Variants in RGS6 observed in about 807,000 individuals in gnomAD.
RGS6 encodes the protein regulator of G-protein signaling 6.
RGS6 carries 30 observed loss-of-function variants against 78.5 expected under a neutral mutation model. That is an observed-to-expected ratio of 0.38 (90% confidence interval 0.29 to 0.52). The LOEUF is 0.52. Among genes scored for constraint, RGS6 ranks in the 20% least tolerant of loss-of-function variants. The pLI is 0.85. For missense variants in RGS6, 495 were observed against 609.7 expected, an observed-to-expected ratio of 0.81 and a Z score of 1.98; for synonymous variants, 206 against 206.0, an observed-to-expected ratio of 1.00 and a Z score of 0.00.
chr14:72,404,174 G>T (rs1476412948), intron 3 of RGS6, among the ~76,000 whole-genome samples: 1 of 152,200 alleles, frequency 6.6e-6, no homozygotes, highest in Non-Finnish European at 1.5e-5. Context: ...TTCTATGAAG[G>T]TCTTGAATGA....
At chr14:72,179,547 T>A (rs2097147857) in intron 2 of RGS6, among the ~76,000 whole-genome samples, 1 of 152,154 alleles carries the variant, frequency 6.6e-6, no homozygotes, top group African/African-American at 2.4e-5. Context: ...CCCTACTATA[T>A]GCAATGTATG....
At chr14:71,933,575 AG>A (rs2088299383) in intron 1 of RGS6, among the ~76,000 whole-genome samples, 1 of 152,208 alleles carries the variant, frequency 6.6e-6, no homozygotes, top group Non-Finnish European at 1.5e-5. Context: ...CCAGTGAGAC[AG>A]GGAAAGTGAC....
chr14:72,385,088 G>A (rs971368481), intron 3 of RGS6, among the ~76,000 whole-genome samples: 11 of 151,996 alleles, frequency 7.2e-5, no homozygotes, highest in African/African-American at 2.2e-4. Flanking sequence ...GCACCTGCCC[G>A]TCATCTTTCC....
chr14:72,520,938 A>T, intron 15 of RGS6, among the ~76,000 whole-genome samples: 1 of 152,216 alleles, frequency 6.6e-6, no homozygotes, highest in East Asian at 1.9e-4. Context: ...ACCCAGAATA[A>T]GCTGTTTCTC....
intron 2 of RGS6, among the ~76,000 whole-genome samples, chr14:72,324,601 C>T (rs555072783): frequency 9.2e-4 from 140 of 152,136 alleles, no homozygotes; most frequent in East Asian, 4.4e-3. Flanking sequence ...TGAGAACATG[C>T]GGTGTTTGGT....
chr14:72,117,337 G>A (rs543297777), intron 2 of RGS6, among the ~76,000 whole-genome samples: 1 of 152,118 alleles, frequency 6.6e-6, no homozygotes, highest in Non-Finnish European at 1.5e-5. Context: ...TCCTCCCTGA[G>A]GTCATGAGTT....
chr14:72,437,214 G>A (rs1016716503), intron 3 of RGS6, among the ~76,000 whole-genome samples: 2 of 149,642 alleles, frequency 1.3e-5, no homozygotes, highest in African/African-American at 4.9e-5. Context: ...GGTGGCGGGT[G>A]CCTGTAATCC....
At chr14:71,891,712 A>G in the RGS6 span, among the ~76,000 whole-genome samples, 20 of 152,314 alleles carry the variant, frequency 1.3e-4, no homozygotes, top group African/African-American at 3.4e-4. Flanking sequence ...AGTCCTATAC[A>G]GTCAGCCTTA....
At chr14:72,612,327 C>T in the RGS6 span, 1 of 431,804 alleles carries the variant, frequency 2.3e-6, no homozygotes, top group South Asian at 1.8e-5. Flanking sequence ...CCCTGCCTAC[C>T]TACCCCGCCT....
chr14:72,606,321 A>G, the RGS6 span, among the ~76,000 whole-genome samples: 3 of 152,148 alleles, frequency 2.0e-5, no homozygotes, highest in Non-Finnish European at 1.5e-5. Flanking sequence ...GGCTGACTTT[A>G]TAGAAACTCA....
the RGS6 span, among the ~76,000 whole-genome samples, chr14:72,610,991 G>A: frequency 2.0e-5 from 3 of 152,146 alleles, no homozygotes; most frequent in African/African-American, 4.8e-5. Context: ...AGGCTGTCAC[G>A]CACTTTAAAA....
At chr14:72,180,087 T>G (rs980628948) in intron 2 of RGS6, among the ~76,000 whole-genome samples, 3 of 152,196 alleles carry the variant, frequency 2.0e-5, no homozygotes, top group African/African-American at 7.2e-5. Flanking sequence ...AAGAAGGAAG[T>G]TTGAGCCTTT....
intron 3 of RGS6, among the ~76,000 whole-genome samples, chr14:72,362,945 A>G (rs1256862930): frequency 2.0e-5 from 3 of 152,196 alleles, no homozygotes; most frequent in Non-Finnish European, 4.4e-5. Flanking sequence ...AGAAAATAGA[A>G]TTTTCATAGC....
intron 2 of RGS6, among the ~76,000 whole-genome samples, chr14:72,300,818 G>T (rs529290081): frequency 2.6e-5 from 4 of 152,156 alleles, no homozygotes; most frequent in Non-Finnish European, 5.9e-5. Context: ...GACTTCTTCT[G>T]TGAGTCAAGC....
At chr14:72,621,377 T>C in the RGS6 span, among the ~76,000 whole-genome samples, 19 of 152,034 alleles carry the variant, frequency 1.2e-4, no homozygotes, top group Non-Finnish European at 2.1e-4. Flanking sequence ...TTGGTGATTG[T>C]TGAAACTGTT....
chr14:71,996,386 A>G (rs566307314), intron 2 of RGS6, among the ~76,000 whole-genome samples: 1 of 152,302 alleles, frequency 6.6e-6, no homozygotes, highest in South Asian at 2.1e-4. Context: ...TAAGTGATAA[A>G]TAAAGTGGTA....
chr14:72,231,894 G>C (rs1348763327), intron 2 of RGS6, among the ~76,000 whole-genome samples: 1 of 152,148 alleles, frequency 6.6e-6, no homozygotes, highest in Non-Finnish European at 1.5e-5. Flanking sequence ...TGTTGGGTGT[G>C]GTGGGTCATT....
chr14:71,899,746 T>C, the RGS6 span, among the ~76,000 whole-genome samples: 4 of 152,234 alleles, frequency 2.6e-5, no homozygotes, highest in Admixed American at 6.5e-5. Context: ...GGAACTTCTA[T>C]AGTTATTTAG....
At chr14:72,103,030 G>A (rs915137874) in intron 2 of RGS6, among the ~76,000 whole-genome samples, 5 of 152,158 alleles carry the variant, frequency 3.3e-5, no homozygotes, top group African/African-American at 1.2e-4. Flanking sequence ...GTTAAACATT[G>A]TGTACAAAAT....
Sources: gnomAD v4.1 joint callset for allele counts (sites outside exome capture counted in the v4.1 genomes callset) on GRCh38, gnomAD v4.1.1 for gene constraint, MANE v1.5 for transcripts, NCBI Gene and HGNC (gene_info 2026-07-23, HGNC 2026-07-21) for gene names.